The following DLG2 variants were observed in gnomAD, a reference collection of about 807,000 sequenced individuals.
DLG2 encodes the protein discs large MAGUK scaffold protein 2, also known as disks large homolog 2.
In DLG2, 45 loss-of-function variants were observed where a neutral mutation model predicts 132.5. The ratio of observed to expected loss-of-function variants is 0.34; its 90% CI spans 0.27 to 0.44. The LOEUF (loss-of-function observed/expected upper bound fraction) is 0.44, where lower values mean the gene tolerates loss of function less well. Ranked by LOEUF, DLG2 falls within the 20% of genes least tolerant of loss-of-function variation. DLG2 has a pLI of 1.00. For missense variants in DLG2, 1,045 were observed against 1,196.9 expected (o/e 0.87, Z 1.87); for synonymous variants, 424 against 419.6 (o/e 1.01, Z -0.13).
At chr11:84,142,176 C>A (rs775495123) in intron 9 of DLG2, among the ~76,000 whole-genome samples, 1 of 151,950 alleles carries the variant, frequency 6.6e-6, no homozygotes, top group Non-Finnish European at 1.5e-5. Flanking sequence ...GTGGCACATG[C>A]CTGTGGTCCC....
At chr11:83,828,690 A>C (rs1427421268) in intron 17 of DLG2, among the ~76,000 whole-genome samples, 1 of 152,204 alleles carries the variant, frequency 6.6e-6, no homozygotes, top group Non-Finnish European at 1.5e-5. Flanking sequence ...GGAACAGCCC[A>C]AACTATCCAA....
intron 17 of DLG2, among the ~76,000 whole-genome samples, chr11:83,824,018 C>T (rs1379701519): frequency 6.6e-6 from 1 of 152,120 alleles, no homozygotes; most frequent in East Asian, 1.9e-4. Context: ...TTCCAAATAC[C>T]ACCATCATTA....
At chr11:84,260,772 A>T (rs2097539424) in intron 7 of DLG2, among the ~76,000 whole-genome samples, 1 of 152,182 alleles carries the variant, frequency 6.6e-6, no homozygotes, top group African/African-American at 2.4e-5. Context: ...ACTGAGATTC[A>T]AACCCAGGTG....
chr11:84,697,098 T>G (rs1423427488), intron 6 of DLG2, among the ~76,000 whole-genome samples: 1 of 151,390 alleles, frequency 6.6e-6, no homozygotes, highest in African/African-American at 2.4e-5. Context: ...TTTCTCCCCC[T>G]GCCTGTGTTT....
At chr11:84,471,390 C>T (rs1233306263) in intron 7 of DLG2, among the ~76,000 whole-genome samples, 1 of 151,744 alleles carries the variant, frequency 6.6e-6, no homozygotes, top group South Asian at 2.1e-4. Flanking sequence ...CCCCCTCTGT[C>T]CTTCTCCAAC....
At chr11:83,524,247 G>A (rs1235990205) in intron 21 of DLG2, among the ~76,000 whole-genome samples, 1 of 152,132 alleles carries the variant, frequency 6.6e-6, no homozygotes, top group Non-Finnish European at 1.5e-5. Flanking sequence ...CTTTTCCACT[G>A]TGCCTGTGTA....
intron 7 of DLG2, chr11:84,317,464 A>C: frequency 1.2e-6 from 1 of 800,594 alleles, no homozygotes; most frequent in Non-Finnish European, 1.6e-6. Flanking sequence ...TGTGTTACAA[A>C]CCCTTTTTGG....
chr11:84,067,752 C>A (rs942032078), intron 10 of DLG2, among the ~76,000 whole-genome samples: 1 of 152,152 alleles, frequency 6.6e-6, no homozygotes, highest in Non-Finnish European at 1.5e-5. Context: ...TGAAACTTCT[C>A]ACCCTAATGA....
chr11:85,198,083 C>A (rs1169001552), intron 4 of DLG2, among the ~76,000 whole-genome samples: 1 of 151,914 alleles, frequency 6.6e-6, no homozygotes, highest in Non-Finnish European at 1.5e-5. Context: ...GTCTAGCCAA[C>A]ACCTAAGACA....
At chr11:83,797,720 GTA>G (rs2043207617) in intron 17 of DLG2, among the ~76,000 whole-genome samples, 1 of 151,950 alleles carries the variant, frequency 6.6e-6, no homozygotes, top group Non-Finnish European at 1.5e-5. Context: ...GGGTTTCACT[GTA>G]TTAGCCAGGA....
intron 14 of DLG2, among the ~76,000 whole-genome samples, chr11:83,933,069 C>G (rs150466916): frequency 0.012 from 1,840 of 152,212 alleles, 41 homozygotes; most frequent in African/African-American, 0.041. Flanking sequence ...TTAGTCTTTC[C>G]CTGCAGTTAT....
intron 18 of DLG2, among the ~76,000 whole-genome samples, chr11:83,741,159 T>C (rs896871388): frequency 1.3e-5 from 2 of 152,094 alleles, no homozygotes; most frequent in African/African-American, 4.8e-5. Context: ...AACCTCAATA[T>C]AATAAGAGAC....
chr11:83,743,822 A>G (rs2092718616), intron 18 of DLG2, among the ~76,000 whole-genome samples: 1 of 152,134 alleles, frequency 6.6e-6, no homozygotes, highest in Non-Finnish European at 1.5e-5. Flanking sequence ...GAGGGTTGCT[A>G]TGGGGATTAC....
intron 11 of DLG2, among the ~76,000 whole-genome samples, chr11:84,008,921 T>G (rs1485804123): frequency 6.8e-6 from 1 of 147,762 alleles, no homozygotes; most frequent in Non-Finnish European, 1.5e-5. Context: ...AGATTTTTTC[T>G]TGTTTTTTTT....
chr11:85,550,924 T>C, intron 3 of DLG2, among the ~76,000 whole-genome samples: 1 of 152,212 alleles, frequency 6.6e-6, no homozygotes, highest in East Asian at 1.9e-4. Flanking sequence ...GTTAGCCACC[T>C]AGATCCTAAG....
intron 6 of DLG2, among the ~76,000 whole-genome samples, chr11:85,005,612 T>C (rs1424359861): frequency 6.6e-6 from 1 of 152,210 alleles, no homozygotes; most frequent in Non-Finnish European, 1.5e-5. Context: ...GCTTATTGGC[T>C]TAAAGAGATT....
chr11:85,035,052 G>A (rs951750406), intron 6 of DLG2, among the ~76,000 whole-genome samples: 13 of 152,026 alleles, frequency 8.6e-5, no homozygotes, highest in African/African-American at 3.1e-4. Flanking sequence ...AAAATACAGA[G>A]GTCAGTTTGT....
intron 7 of DLG2, among the ~76,000 whole-genome samples, chr11:84,402,065 T>C (rs745332117): frequency 6.6e-6 from 1 of 152,218 alleles, no homozygotes. Context: ...TCTCAGTTCA[T>C]TGGAGTTTTC....
chr11:84,172,098 TGTAA>T (rs1271699485), intron 8 of DLG2, among the ~76,000 whole-genome samples: 1 of 152,242 alleles, frequency 6.6e-6, no homozygotes, highest in African/African-American at 2.4e-5. Flanking sequence ...CACACATTTG[TGTAA>T]GTGTCAAAAT....
Sources: gnomAD v4.1 joint callset for allele counts (sites outside exome capture counted in the v4.1 genomes callset) on GRCh38, gnomAD v4.1.1 for gene constraint, MANE v1.5 for transcripts, NCBI Gene and HGNC (gene_info 2026-07-23, HGNC 2026-07-21) for gene names.